TRIM5: variants seen among roughly 807,000 people sequenced by gnomAD.
TRIM5 encodes the protein tripartite motif-containing protein 5.
Under a neutral mutation model 35.6 loss-of-function variants are expected in TRIM5, and 31 were observed. The ratio of observed to expected loss-of-function variants is 0.87; its 90% confidence interval spans 0.65 to 1.18. The LOEUF (loss-of-function observed/expected upper bound fraction) is 1.18, where lower values mean the gene tolerates loss of function less well. TRIM5 is among the 50% of genes most tolerant of loss of function. The pLI, the probability that TRIM5 is intolerant of heterozygous loss-of-function variation, is 0.00. For synonymous variants in TRIM5, 243 were observed against 215.6 expected (o/e 1.13, Z -1.11); for missense variants, 609 against 591.6 (o/e 1.03, Z -0.31).
chr11:5,668,657 T>G (rs531840774), intron 4 of TRIM5, among the ~76,000 whole-genome samples: 21 of 151,960 alleles, frequency 1.4e-4, no homozygotes, highest in African/African-American at 5.1e-4. Flanking sequence ...ACCATGTTGG[T>G]CAGGCTGGTC....
the TRIM5 span, chr11:5,641,041 T>A: frequency 7.4e-7 from 1 of 1,350,664 alleles, no homozygotes; most frequent in Non-Finnish European, 9.7e-7. Context: ...GTTTGCCAAT[T>A]TTGTTGACAT....
chr11:5,605,533 G>A, the TRIM5 span: 21 of 1,613,814 alleles, frequency 1.3e-5, no homozygotes, highest in East Asian at 1.8e-4. Context: ...GATCTGGAGC[G>A]TCGATGTCAG....
chr11:5,652,737 A>G, the TRIM5 span, among the ~76,000 whole-genome samples: 3 of 152,024 alleles, frequency 2.0e-5, no homozygotes, highest in Admixed American at 6.6e-5. Context: ...ATAGCACTGA[A>G]TTTGTAAAGT....
chr11:5,626,693 A>T, the TRIM5 span: 1 of 152,060 alleles, frequency 6.6e-6, no homozygotes, highest in South Asian at 2.1e-4. Flanking sequence ...CAGCCTGGCC[A>T]ATGTGGTGAA....
the TRIM5 span, among the ~76,000 whole-genome samples, chr11:5,592,116 G>T: frequency 6.6e-6 from 1 of 152,148 alleles, no homozygotes; most frequent in Non-Finnish European, 1.5e-5. Context: ...TAGAGAAAAT[G>T]AGATAATAGG....
At chr11:5,676,834 G>C (rs1461653767) in intron 4 of TRIM5, among the ~76,000 whole-genome samples, 7 of 150,206 alleles carry the variant, frequency 4.7e-5, no homozygotes, top group East Asian at 1.9e-4. Context: ...ACAAACCTGA[G>C]AAAAACAAGC....
chr11:5,607,726 G>C, the TRIM5 span, among the ~76,000 whole-genome samples: 2 of 152,116 alleles, frequency 1.3e-5, no homozygotes, highest in African/African-American at 4.8e-5. Context: ...TGACTTAAGT[G>C]GTTGCTAGTG....
the TRIM5 span, among the ~76,000 whole-genome samples, chr11:5,598,918 C>CT: frequency 1.9e-3 from 292 of 152,252 alleles, 8 homozygotes; most frequent in South Asian, 0.059. Flanking sequence ...GGGCATTTCC[C>CT]TTTATGTATT....
chr11:5,627,964 A>T, the TRIM5 span, among the ~76,000 whole-genome samples: 1 of 152,222 alleles, frequency 6.6e-6, no homozygotes, highest in Non-Finnish European at 1.5e-5. Context: ...AGAAGACTCA[A>T]ATGAAGGGTA....
intron 1 of TRIM5, among the ~76,000 whole-genome samples, chr11:5,681,802 T>A (rs1168053836): frequency 6.6e-6 from 1 of 152,080 alleles, no homozygotes; most frequent in Non-Finnish European, 1.5e-5. Context: ...CTTTTAATAT[T>A]TTTTTTTCTT....
At chr11:5,608,464 G>T in the TRIM5 span, 1 of 1,597,898 alleles carries the variant, frequency 6.3e-7, no homozygotes, top group Non-Finnish European at 8.5e-7. Flanking sequence ...TGATCAGTGG[G>T]AAAGGGAAGA....
chr11:5,647,228 G>A, the TRIM5 span, among the ~76,000 whole-genome samples: 6 of 152,130 alleles, frequency 3.9e-5, no homozygotes, highest in Non-Finnish European at 7.3e-5. Context: ...ACTAATAGTG[G>A]TCTGAATTTT....
rs150377751 is a variant in TRIM5 at position 5,669,111 on chromosome 11, C to A, written c.745-1400G>T. Among the ~76,000 whole-genome samples the A allele has an allele frequency of 5.0e-3, 623 of 125,214 alleles. 4 individuals carry two copies. The highest frequency in any genetic ancestry group is 0.02 in the African/African-American group (604 of 30,136). 82.1% of individuals were successfully genotyped at this position (125,214 alleles called of 152,430 possible). ...TTTTTTTTTTTTTGATACGGGGTTT[C>A]GCTCGTTTCCCAGGCTGCAGTGCAA... On this transcript the variant is annotated intron_variant, in intron 4 of 7. Coordinates refer to ENST00000380034, the MANE Select transcript of TRIM5 (RefSeq NM_033034.3).
At chr11:5,659,550 A>C (rs147795188), downstream of TRIM5, among the ~76,000 whole-genome samples, 1 of 152,348 alleles carries the variant, frequency 6.6e-6, no homozygotes, top group East Asian at 1.9e-4. Flanking sequence ...AAAGCACTGT[A>C]TATTCAAAGC....
the TRIM5 span, chr11:5,597,022 T>C: frequency 6.4e-7 from 1 of 1,558,700 alleles, no homozygotes; most frequent in East Asian, 2.3e-5. Context: ...TATATCTTTA[T>C]TTCTTTTTCT....
the TRIM5 span, among the ~76,000 whole-genome samples, chr11:5,653,959 T>A: frequency 1.3e-5 from 2 of 152,052 alleles, no homozygotes; most frequent in South Asian, 2.1e-4. Flanking sequence ...GAGTGTATAT[T>A]TTTTTATTTC....
chr11:5,656,290 A>T, the TRIM5 span, among the ~76,000 whole-genome samples: 1 of 152,226 alleles, frequency 6.6e-6, no homozygotes, highest in East Asian at 1.9e-4. Context: ...TCTACAAAAA[A>T]CTTAAACAAA....
the TRIM5 span, among the ~76,000 whole-genome samples, chr11:5,633,147 T>C: frequency 1.2e-4 from 1 of 8,682 alleles, no homozygotes; most frequent in African/African-American, 3.0e-4. Context: ...CTTTTCTTTC[T>C]TTTTTTTTTT....
chr11:5,620,706 C>A, the TRIM5 span, among the ~76,000 whole-genome samples: 1 of 152,090 alleles, frequency 6.6e-6, no homozygotes, highest in African/African-American at 2.4e-5. Context: ...GGCAGAAGTA[C>A]TGTCATGGGC....
Sources: allele counts gnomAD v4.1 joint callset (sites outside exome capture counted in the v4.1 genomes callset), GRCh38; gene constraint gnomAD v4.1.1; transcripts MANE v1.5; gene names NCBI Gene and HGNC (gene_info 2026-07-23, HGNC 2026-07-21).